The following RAB3C variants were observed in gnomAD, a reference collection of about 807,000 sequenced individuals.
RAB3C encodes ras-related protein Rab-3C.
Under a neutral mutation model 26.4 loss-of-function variants are expected in RAB3C, and 17 were observed. The observed-to-expected ratio is 0.64, with a 90% confidence interval of 0.44 to 0.97. The LOEUF is 0.97. Ranked by LOEUF, RAB3C falls within the 50% of genes least tolerant of loss-of-function variation. The pLI is 0.00. For synonymous variants in RAB3C, 91 were observed against 95.9 expected (o/e 0.95, Z 0.30); for missense variants, 242 against 281.9 (o/e 0.86, Z 1.01).
intron 2 of RAB3C, among the ~76,000 whole-genome samples, chr5:58,713,322 C>G (rs1049308935): frequency 2.0e-5 from 3 of 152,064 alleles, no homozygotes; most frequent in Non-Finnish European, 4.4e-5. Flanking sequence ...TGAAATTTTT[C>G]AAAACAAATT....
chr5:58,637,198 G>T (rs978846095), intron 2 of RAB3C, among the ~76,000 whole-genome samples: 5 of 150,902 alleles, frequency 3.3e-5, no homozygotes, highest in Non-Finnish European at 7.4e-5. Flanking sequence ...AAACCAAAAG[G>T]TTTAATAATC....
chr5:58,811,015 G>A (rs1743075219), intron 3 of RAB3C, among the ~76,000 whole-genome samples: 1 of 152,162 alleles, frequency 6.6e-6, no homozygotes, highest in Non-Finnish European at 1.5e-5. Context: ...TAACCATACG[G>A]AGGCACAGTA....
At chr5:58,804,412 T>C (rs927437107) in intron 3 of RAB3C, among the ~76,000 whole-genome samples, 1 of 152,156 alleles carries the variant, frequency 6.6e-6, no homozygotes, top group African/African-American at 2.4e-5. Context: ...ATTGTTCCAT[T>C]CAGATTTCTT....
chr5:58,666,196 A>G (rs1296162420), intron 2 of RAB3C, among the ~76,000 whole-genome samples: 1 of 152,196 alleles, frequency 6.6e-6, no homozygotes, highest in African/African-American at 2.4e-5. Flanking sequence ...GTAATATTCA[A>G]TGTCCCTCAG....
chr5:58,765,677 G>T (rs1453010925), intron 3 of RAB3C, among the ~76,000 whole-genome samples: 3 of 152,082 alleles, frequency 2.0e-5, no homozygotes, highest in Non-Finnish European at 2.9e-5. Context: ...TCCTTTTAAT[G>T]GACATAAAAT....
chr5:58,697,251 C>T (rs563929670), intron 2 of RAB3C, among the ~76,000 whole-genome samples: 4 of 152,254 alleles, frequency 2.6e-5, no homozygotes, highest in South Asian at 4.1e-4. Flanking sequence ...GTTTCTTAAT[C>T]CTGAGTTTTA....
intron 3 of RAB3C, among the ~76,000 whole-genome samples, chr5:58,776,195 T>G (rs1742137145): frequency 6.6e-6 from 1 of 152,110 alleles, no homozygotes; most frequent in African/African-American, 2.4e-5. Context: ...TAATAGACAT[T>G]CTAAGCTTAA....
intron 2 of RAB3C, among the ~76,000 whole-genome samples, chr5:58,672,609 G>T (rs183564684): frequency 6.6e-6 from 1 of 152,028 alleles, no homozygotes; most frequent in African/African-American, 2.4e-5. Flanking sequence ...ACTTCTGGTT[G>T]GTTGGTTGTT....
At chr5:58,626,798 A>G (rs934219807) in intron 2 of RAB3C, among the ~76,000 whole-genome samples, 18 of 152,320 alleles carry the variant, frequency 1.2e-4, no homozygotes, top group African/African-American at 4.1e-4. Context: ...TTAACGCCAT[A>G]CTTTCTGAAA....
intron 2 of RAB3C, among the ~76,000 whole-genome samples, chr5:58,711,882 C>A (rs1322327323): frequency 6.6e-6 from 1 of 152,136 alleles, no homozygotes; most frequent in African/African-American, 2.4e-5. Flanking sequence ...AGGGTGTGAT[C>A]ATCATACTGT....
At chr5:58,621,642 C>A (rs1265583461) in intron 2 of RAB3C, among the ~76,000 whole-genome samples, 1 of 152,176 alleles carries the variant, frequency 6.6e-6, no homozygotes, top group Admixed American at 6.5e-5. Flanking sequence ...GTGGTGCAAT[C>A]TTGGCCCACT....
chr5:58,594,694 T>C (rs1173618995), intron 1 of RAB3C, among the ~76,000 whole-genome samples: 2 of 152,094 alleles, frequency 1.3e-5, no homozygotes, highest in Non-Finnish European at 2.9e-5. Context: ...AGGCAAGATA[T>C]CAAGATCTAG....
chr5:58,826,036 A>G lies in RAB3C; in HGVS notation c.496+874A>G, dbSNP rs373665043. On this transcript the variant is annotated intron_variant, in intron 4 of 4. Transcript: ENST00000282878. ...TCAACAAAAACAGGTCAATGAGGAG[A>G]TAAGCTGCAAGGCAGATGCCAACAG... is the stretch of plus-strand genomic sequence containing the variant. 3.2e-4 allele frequency among the ~76,000 whole-genome samples: 48 copies of G among 152,322 alleles called. No individual in the cohort carries two copies. In the East Asian group the frequency reaches 4.8e-3, roughly 15 times the overall value.
chr5:58,633,493 G>A (rs1747228837), intron 2 of RAB3C, among the ~76,000 whole-genome samples: 1 of 152,208 alleles, frequency 6.6e-6, no homozygotes, highest in African/African-American at 2.4e-5. Context: ...AGTAAATAGT[G>A]CCAGGAAAAA....
intron 2 of RAB3C, among the ~76,000 whole-genome samples, chr5:58,668,436 A>G (rs1398724038): frequency 6.6e-6 from 1 of 152,172 alleles, no homozygotes; most frequent in African/African-American, 2.4e-5. Flanking sequence ...CTAGTCAATT[A>G]TCCTCAAAAT....
At chr5:58,654,155 T>C (rs991226189) in intron 2 of RAB3C, among the ~76,000 whole-genome samples, 1 of 152,186 alleles carries the variant, frequency 6.6e-6, no homozygotes, top group Admixed American at 6.5e-5. Context: ...TTTTAAAGCT[T>C]AGAGCAATCT....
intron 2 of RAB3C, among the ~76,000 whole-genome samples, chr5:58,687,754 T>G (rs893358774): frequency 6.6e-6 from 1 of 152,134 alleles, no homozygotes; most frequent in Non-Finnish European, 1.5e-5. Context: ...TCATCCTACA[T>G]GTAAGATGCA....
intron 2 of RAB3C, among the ~76,000 whole-genome samples, chr5:58,649,343 A>G (rs999190064): frequency 5.3e-5 from 8 of 152,130 alleles, no homozygotes; most frequent in African/African-American, 1.9e-4. Context: ...AGCATCTAGT[A>G]TCTTTGCAAG....
intron 3 of RAB3C, among the ~76,000 whole-genome samples, chr5:58,821,996 G>GT (rs34762006): frequency 0.55 from 83,380 of 151,552 alleles, 23,374 homozygotes; most frequent in Middle Eastern, 0.71. Flanking sequence ...TTACAAATCT[G>GT]TTTTTTTTCA....
Sources: allele counts gnomAD v4.1 joint callset (sites outside exome capture counted in the v4.1 genomes callset), GRCh38; gene constraint gnomAD v4.1.1; transcripts MANE v1.5; gene names NCBI Gene and HGNC (gene_info 2026-07-23, HGNC 2026-07-21).